MMS22L: variants seen among roughly 807,000 people sequenced by gnomAD.
MMS22L encodes protein MMS22-like.
A neutral mutation model predicts 159.1 loss-of-function variants in MMS22L; 74 were observed. The observed-to-expected ratio is 0.47, with a 90% confidence interval of 0.39 to 0.56. The LOEUF (loss-of-function observed/expected upper bound fraction) is 0.56. MMS22L is among the 20% of genes least tolerant of loss of function. The pLI, the probability that MMS22L is intolerant of heterozygous loss-of-function variation, is 0.00. For missense variants in MMS22L, 1,351 were observed against 1,422.1 expected, an observed-to-expected ratio of 0.95 and a Z score of 0.80; for synonymous variants, 517 against 506.9, an observed-to-expected ratio of 1.02 and a Z score of -0.27.
rs898332569 is a variant in MMS22L at position 97,143,250 on chromosome 6, C to T, written c.*3556G>A. On this transcript the variant is annotated 3_prime_UTR_variant, in exon 25 of 25. Coordinates refer to ENST00000683635, the MANE Select transcript of MMS22L (RefSeq NM_001350599.2). ...AATTTTCTTCCTATTTAAGTGTCTTCAATTTCTATAGGAAAGAGGTCCTAT... is the reference window on the plus strand; with the variant it reads ...AATTTTCTTCCTATTTAAGTGTCTTTAATTTCTATAGGAAAGAGGTCCTAT... The T allele has an allele frequency of 1.3e-5, 2 of 152,122 alleles. No homozygotes were observed. The highest frequency in any genetic ancestry group is 2.9e-5 in the Non-Finnish European group (2 of 68,018). The allele number at this position is 152,122 out of a possible 1,614,324, so 9.4% of individuals were successfully genotyped here.
chr6:97,188,966 A>G (rs1221258366), intron 14 of MMS22L, among the ~76,000 whole-genome samples: 1 of 151,632 alleles, frequency 6.6e-6, no homozygotes, highest in Non-Finnish European at 1.5e-5. Context: ...TCTCAAAATA[A>G]TTTAAAAATA....
chr6:97,155,061 A>G (rs553230831), intron 22 of MMS22L, among the ~76,000 whole-genome samples: 8 of 152,162 alleles, frequency 5.3e-5, no homozygotes, highest in Non-Finnish European at 1.2e-4. Context: ...CAATCTATTT[A>G]TATCTGTGAA....
At chr6:97,218,951 C>G (rs923241660) in intron 14 of MMS22L, among the ~76,000 whole-genome samples, 1 of 151,878 alleles carries the variant, frequency 6.6e-6, no homozygotes, top group Admixed American at 6.6e-5. Flanking sequence ...CAGAAATCTT[C>G]ACATGACAGC....
At chr6:97,228,306 C>A (rs1359803589) in intron 14 of MMS22L, among the ~76,000 whole-genome samples, 1 of 152,178 alleles carries the variant, frequency 6.6e-6, no homozygotes, top group Non-Finnish European at 1.5e-5. Context: ...GACTTTAGTT[C>A]TGCATCTTGT....
At chr6:97,270,366 T>G (rs1562526772) in intron 6 of MMS22L, 2 of 447,594 alleles carry the variant, frequency 4.5e-6, no homozygotes, top group Non-Finnish European at 8.9e-6. Context: ...TTTTAATGTA[T>G]GAGTACCCAG....
chr6:97,167,973 A>T, intron 20 of MMS22L, 98 bp downstream of exon 20: 1 of 1,007,546 alleles, frequency 9.9e-7, no homozygotes, highest in Non-Finnish European at 1.4e-6. Flanking sequence ...TTGAGATTAT[A>T]ATGTACAGTT....
At chr6:97,167,936 T>C in intron 20 of MMS22L, 135 bp downstream of exon 20, 1 of 783,358 alleles carries the variant, frequency 1.3e-6, no homozygotes, top group Non-Finnish European at 1.9e-6. Flanking sequence ...ATTTAAAATA[T>C]GTTCAATAAA....
At chr6:97,153,601 C>T (rs959451632) in intron 22 of MMS22L, among the ~76,000 whole-genome samples, 6 of 151,976 alleles carry the variant, frequency 3.9e-5, no homozygotes, top group African/African-American at 1.4e-4. Flanking sequence ...GAAATCCTGA[C>T]CTCAAGTGAT....
chr6:97,219,563 G>A (rs1333937659), intron 14 of MMS22L, among the ~76,000 whole-genome samples: 1 of 152,164 alleles, frequency 6.6e-6, no homozygotes, highest in Non-Finnish European at 1.5e-5. Context: ...AGAAATCTAA[G>A]CAGATGTTCA....
At chr6:97,185,725 T>C (rs1805159129) in intron 15 of MMS22L, among the ~76,000 whole-genome samples, 1 of 152,150 alleles carries the variant, frequency 6.6e-6, no homozygotes, top group South Asian at 2.1e-4. Flanking sequence ...TTTCCTCGTA[T>C]ACACTAGGAT....
intron 24 of MMS22L, among the ~76,000 whole-genome samples, chr6:97,147,209 T>C (rs893111653): frequency 1.2e-4 from 19 of 152,148 alleles, no homozygotes; most frequent in African/African-American, 4.6e-4. Context: ...AGGACAATGA[T>C]GGTATGATTA....
chr6:97,157,953 C>CT (rs1385600137), intron 22 of MMS22L, among the ~76,000 whole-genome samples: 1 of 151,968 alleles, frequency 6.6e-6, no homozygotes, highest in Non-Finnish European at 1.5e-5. Context: ...TGGTCCTAGG[C>CT]TTTTTTTGGT....
chr6:97,177,595 T>C lies in MMS22L; in HGVS notation c.2679+848A>G, dbSNP rs537046752. 5.9e-5 allele frequency among the ~76,000 whole-genome samples: 9 copies of C among 152,268 alleles called. No individual in the cohort carries two copies. In the South Asian group the frequency reaches 1.7e-3, roughly 28 times the overall value. ...CTCCTAGCACACCACAGGCATTTAA[T>C]TGCAGGTTCAGATCCAATCAACAAC... On this transcript the variant is annotated intron_variant, in intron 18 of 24. Coordinates refer to ENST00000683635, the MANE Select transcript of MMS22L (RefSeq NM_001350599.2).
intron 11 of MMS22L, among the ~76,000 whole-genome samples, chr6:97,244,244 G>C (rs1044561305): frequency 1.3e-5 from 2 of 152,144 alleles, no homozygotes; most frequent in Non-Finnish European, 2.9e-5. Context: ...TGGTACTACA[G>C]GGGGGACATA....
At chr6:97,200,457 T>C (rs570029313) in intron 14 of MMS22L, among the ~76,000 whole-genome samples, 101 of 152,264 alleles carry the variant, frequency 6.6e-4, no homozygotes, top group African/African-American at 2.2e-3. Context: ...GCGTTTATTA[T>C]AGCACTAATT....
chr6:97,281,113 T>C, intron 3 of MMS22L, 124 bp downstream of exon 3: 1 of 892,428 alleles, frequency 1.1e-6, no homozygotes, highest in Non-Finnish European at 1.6e-6. Flanking sequence ...GGTAAGATAA[T>C]CAAGTGAGCA....
chr6:97,229,671 T>C (rs535120730), intron 13 of MMS22L, among the ~76,000 whole-genome samples: 17 of 152,308 alleles, frequency 1.1e-4, no homozygotes, highest in Admixed American at 7.8e-4. Flanking sequence ...TTTCATATAG[T>C]ACATGGCTTT....
chr6:97,171,330 T>C (rs557442225), intron 19 of MMS22L, among the ~76,000 whole-genome samples: 13 of 152,098 alleles, frequency 8.5e-5, no homozygotes, highest in East Asian at 1.9e-4. Flanking sequence ...AAGAAAAGGA[T>C]AGATGAAGTG....
At chr6:97,179,756 CTTCTT>C (rs1456961142) in intron 16 of MMS22L, among the ~76,000 whole-genome samples, 197 bp from the exon 17 acceptor site, 1 of 152,064 alleles carries the variant, frequency 6.6e-6, no homozygotes, top group Non-Finnish European at 1.5e-5. Flanking sequence ...AACAAATATC[CTTCTT>C]TTCATTTTTA....
Sources: gnomAD v4.1 joint callset for allele counts (sites outside exome capture counted in the v4.1 genomes callset) on GRCh38, gnomAD v4.1.1 for gene constraint, MANE v1.5 for transcripts, NCBI Gene and HGNC (gene_info 2026-07-23, HGNC 2026-07-21) for gene names.